CAMK2B: variants seen among roughly 807,000 people sequenced by gnomAD.
The protein encoded by CAMK2B is calcium/calmodulin-dependent protein kinase type II subunit beta.
In CAMK2B, 27 loss-of-function variants were observed where a neutral mutation model predicts 93.7. The ratio of observed to expected loss-of-function variants is 0.29; its 90% CI spans 0.21 to 0.40. CAMK2B has a LOEUF of 0.40. Ranked by LOEUF, CAMK2B falls within the 10% of genes least tolerant of loss-of-function variation. The pLI, the probability that CAMK2B is intolerant of heterozygous loss-of-function variation, is 1.00. For synonymous variants in CAMK2B, 374 were observed against 358.8 expected, an observed-to-expected ratio of 1.04 and a Z score of -0.48; for missense variants, 568 against 895.8, an observed-to-expected ratio of 0.63 and a Z score of 4.67.
chr7:44,283,270 G>T (rs1784200637), intron 2 of CAMK2B, among the ~76,000 whole-genome samples: 2 of 152,210 alleles, frequency 1.3e-5, no homozygotes, highest in African/African-American at 4.8e-5. Context: ...GGTTTTGTTT[G>T]TCCTCGACCT....
At chr7:44,221,500 G>A (rs868511511) in intron 20 of CAMK2B, among the ~76,000 whole-genome samples, 9 of 152,184 alleles carry the variant, frequency 5.9e-5, no homozygotes, top group Non-Finnish European at 7.3e-5. Flanking sequence ...GGCCACGTGC[G>A]GCGCAGGCTG....
chr7:44,301,480 A>G (rs150159549), intron 1 of CAMK2B, among the ~76,000 whole-genome samples: 132 of 152,308 alleles, frequency 8.7e-4, no homozygotes, highest in African/African-American at 3.1e-3. Context: ...AAGTGCCTAC[A>G]TTTTGAAAAG....
chr7:44,296,950 A>T (rs1788478126), intron 1 of CAMK2B, among the ~76,000 whole-genome samples: 1 of 152,236 alleles, frequency 6.6e-6, no homozygotes, highest in African/African-American at 2.4e-5. Context: ...GACATAGTTC[A>T]GAAACTTGGA....
chr7:44,283,676 T>C (rs35550274), intron 2 of CAMK2B, among the ~76,000 whole-genome samples: 55,139 of 152,192 alleles, frequency 0.36, 10,437 homozygotes, highest in Middle Eastern at 0.43. Flanking sequence ...CCCGGTCACC[T>C]GAAACTTTGT....
chr7:44,311,575 C>T lies in CAMK2B; in HGVS notation c.65+13782G>A, dbSNP rs1409059631. On this transcript the variant is annotated intron_variant, in intron 1 of 23. Coordinates refer to ENST00000395749, the MANE Select transcript of CAMK2B (RefSeq NM_001220.5). This position sits in a 1 kb window ranked among gnomAD's most constrained non-coding sequence, Gnocchi z 4.2. ...CAGCATGTGCCCCTGAGGCTGGCCC[C>T]GGGTGCTTGCAACCCCTCTCAGGGC... is the stretch of plus-strand genomic sequence containing the variant. 6.6e-6 allele frequency among the ~76,000 whole-genome samples: 1 copy of T among 152,186 alleles called. No individual in the cohort carries two copies. Among genetic ancestry groups the T allele is most frequent in the African/African-American group, 2.4e-5 (1 of 41,446 alleles).
chr7:44,252,466 G>T (rs367674258), intron 5 of CAMK2B, among the ~76,000 whole-genome samples: 1 of 151,210 alleles, frequency 6.6e-6, no homozygotes, highest in Non-Finnish European at 1.5e-5. Context: ...CAGAGGGGCA[G>T]GGGAGAGGGC....
chr7:44,296,982 A>C (rs1788486378), intron 1 of CAMK2B, among the ~76,000 whole-genome samples: 2 of 152,228 alleles, frequency 1.3e-5, no homozygotes, highest in South Asian at 4.1e-4. Context: ...AAAGGAAGAG[A>C]CTTAGAGAAG....
chr7:44,289,586 C>A (rs931347872), intron 1 of CAMK2B, among the ~76,000 whole-genome samples: 1 of 152,210 alleles, frequency 6.6e-6, no homozygotes, highest in Non-Finnish European at 1.5e-5. Context: ...GTGCCCTCCC[C>A]AGCCACCTCA....
At chr7:44,297,597 G>C (rs1788635804) in intron 1 of CAMK2B, among the ~76,000 whole-genome samples, 1 of 151,966 alleles carries the variant, frequency 6.6e-6, no homozygotes, top group Admixed American at 6.5e-5. Flanking sequence ...TCATCTACAA[G>C]AAACCTATTT....
intron 1 of CAMK2B, among the ~76,000 whole-genome samples, chr7:44,309,791 G>A (rs1308803188): frequency 6.6e-6 from 1 of 152,224 alleles, no homozygotes; most frequent in African/African-American, 2.4e-5. Context: ...AACTGGGGAC[G>A]AGAGAGATTC....
intron 3 of CAMK2B, 108 bp from the exon 4 acceptor site, chr7:44,259,034 GC>G: frequency 9.8e-7 from 1 of 1,015,450 alleles, no homozygotes; most frequent in Non-Finnish European, 1.5e-6. Context: ...CCCTAGGGCT[GC>G]CCAGAGGATC....
chr7:44,262,346 C>T (rs924626035), intron 3 of CAMK2B, among the ~76,000 whole-genome samples: 7 of 152,166 alleles, frequency 4.6e-5, no homozygotes, highest in African/African-American at 1.4e-4. Flanking sequence ...GGCTGCTCCC[C>T]GACAAAGGCA....
In CAMK2B at chr7:44,225,867, A is replaced by G; in HGVS notation, c.1597+649T>C. ...GTGTCTCCCCACAGGTGGGGGTGGC[A>G]GCAGCCCTGGGATGTCATCCATCCC... On this transcript the variant is annotated intron_variant, in intron 20 of 23. Coordinates refer to ENST00000395749, the MANE Select transcript of CAMK2B (RefSeq NM_001220.5). The surrounding 1 kb of genome is among the most constrained non-coding windows in gnomAD (Gnocchi z 5.0). The G allele has an allele frequency of 7.8e-7, 1 of 1,289,252 alleles. No homozygotes were observed. Among genetic ancestry groups the G allele is most frequent in the Non-Finnish European group, 1.0e-6 (1 of 988,698 alleles). The allele number at this position is 1,289,252 out of a possible 1,614,324, so 79.9% of individuals were successfully genotyped here.
At chr7:44,259,852 A>G (rs1330919159) in intron 3 of CAMK2B, among the ~76,000 whole-genome samples, 1 of 152,150 alleles carries the variant, frequency 6.6e-6, no homozygotes, top group Admixed American at 6.5e-5. Flanking sequence ...GACAGCCAAC[A>G]CGCTAGGGCT....
At chr7:44,258,014 G>A (rs1229339368) in intron 4 of CAMK2B, among the ~76,000 whole-genome samples, 1 of 152,268 alleles carries the variant, frequency 6.6e-6, no homozygotes, top group African/African-American at 2.4e-5. Context: ...GCAGGCTAAG[G>A]CCTATGGGCC....
chr7:44,274,822 G>T (rs1454829517), intron 2 of CAMK2B, among the ~76,000 whole-genome samples: 1 of 152,154 alleles, frequency 6.6e-6, no homozygotes, highest in East Asian at 1.9e-4. Context: ...CCCACAGGCT[G>T]TGGGTTCAGC....
chr7:44,289,027 C>T (rs1241908271), intron 1 of CAMK2B, among the ~76,000 whole-genome samples: 1 of 152,190 alleles, frequency 6.6e-6, no homozygotes, highest in Non-Finnish European at 1.5e-5. Flanking sequence ...GCCTCTGTCT[C>T]CTCCTCGCAT....
At chr7:44,287,252 C>T (rs1785396613) in intron 1 of CAMK2B, among the ~76,000 whole-genome samples, 1 of 152,084 alleles carries the variant, frequency 6.6e-6, no homozygotes, top group African/African-American at 2.4e-5. Context: ...ATCGCCGCCC[C>T]CCAATTTTCT....
intron 4 of CAMK2B, among the ~76,000 whole-genome samples, chr7:44,257,876 A>ACGCAGG (rs1275962213): frequency 6.6e-6 from 1 of 152,270 alleles, no homozygotes; most frequent in Non-Finnish European, 1.5e-5. Context: ...GGCAGCCCCC[A>ACGCAGG]CGCAGGCGTG....
Sources: gnomAD v4.1 joint callset for allele counts (sites outside exome capture counted in the v4.1 genomes callset) on GRCh38, gnomAD v4.1.1 for gene constraint, Gnocchi (gnomAD v3.1) non-coding constraint, MANE v1.5 for transcripts, NCBI Gene and HGNC (gene_info 2026-07-23, HGNC 2026-07-21) for gene names.